The following CSNK2A2IP variants were observed in gnomAD, a reference collection of about 807,000 sequenced individuals.
CSNK2A2IP encodes casein kinase II subunit alpha'-interacting protein.
At chr3:88,445,275 C>CAAAAAAAAAAAAA in the CSNK2A2IP span, among the ~76,000 whole-genome samples, 46 of 47,768 alleles carry the variant, frequency 9.6e-4, 4 homozygotes, top group African/African-American at 1.5e-3. Context: ...GTAAAAATAC[C>CAAAAAAAAAAAAA]AAAAAAAAAA....
At chr3:88,339,831 A>G in the CSNK2A2IP span, among the ~76,000 whole-genome samples, 1 of 152,040 alleles carries the variant, frequency 6.6e-6, no homozygotes, top group Non-Finnish European at 1.5e-5. Flanking sequence ...GGGGGTGAGA[A>G]CCTATGGTTG....
At chr3:88,395,044 A>G in the CSNK2A2IP span, among the ~76,000 whole-genome samples, 1 of 152,208 alleles carries the variant, frequency 6.6e-6, no homozygotes, top group Non-Finnish European at 1.5e-5. Flanking sequence ...AAGTTAAAAA[A>G]GTCCTTTGTT....
chr3:88,380,533 A>C, the CSNK2A2IP span, among the ~76,000 whole-genome samples: 5,720 of 151,938 alleles, frequency 0.038, 269 homozygotes, highest in African/African-American at 0.11. Flanking sequence ...AGATCGGTAG[A>C]AATTTTAGAA....
chr3:88,429,487 G>T, the CSNK2A2IP span, among the ~76,000 whole-genome samples: 1 of 151,992 alleles, frequency 6.6e-6, no homozygotes, highest in Non-Finnish European at 1.5e-5. Context: ...TCTCTAACGT[G>T]GTCTACACTG....
chr3:88,463,045 C>T, the CSNK2A2IP span, among the ~76,000 whole-genome samples: 1 of 152,072 alleles, frequency 6.6e-6, no homozygotes, highest in Non-Finnish European at 1.5e-5. Context: ...GGAAAAGTCA[C>T]CTTGACATAA....
At chr3:88,396,359 C>G in the CSNK2A2IP span, among the ~76,000 whole-genome samples, 1 of 152,082 alleles carries the variant, frequency 6.6e-6, no homozygotes, top group South Asian at 2.1e-4. Context: ...CCCGCCTCGG[C>G]CTCCCAAAGT....
the CSNK2A2IP span, among the ~76,000 whole-genome samples, chr3:88,380,852 G>T: frequency 6.6e-6 from 1 of 152,234 alleles, no homozygotes; most frequent in African/African-American, 2.4e-5. Flanking sequence ...ATCATTCATA[G>T]ATTTATTTTT....
the CSNK2A2IP span, among the ~76,000 whole-genome samples, chr3:88,393,605 T>C: frequency 6.6e-6 from 1 of 152,188 alleles, no homozygotes; most frequent in Non-Finnish European, 1.5e-5. Flanking sequence ...GTAAGTGCAA[T>C]AGCAGAGTGA....
At chr3:88,465,759 C>T in the CSNK2A2IP span, 1 of 1,231,692 alleles carries the variant, frequency 8.1e-7, no homozygotes, top group Non-Finnish European at 1.0e-6. Flanking sequence ...CTTCATCTGA[C>T]CTCAACATGA....
At chr3:88,365,479 T>G in the CSNK2A2IP span, among the ~76,000 whole-genome samples, 2 of 152,164 alleles carry the variant, frequency 1.3e-5, no homozygotes, top group African/African-American at 2.4e-5. Context: ...GAGGGACACC[T>G]CATTTTATGG....
the CSNK2A2IP span, among the ~76,000 whole-genome samples, chr3:88,378,964 TA>T: frequency 1.3e-5 from 2 of 152,098 alleles, no homozygotes; most frequent in African/African-American, 4.8e-5. Context: ...ATGCTTATCA[TA>T]AAAACTTGCC....
chr3:88,440,643 T>C, the CSNK2A2IP span, among the ~76,000 whole-genome samples: 1 of 152,238 alleles, frequency 6.6e-6, no homozygotes, highest in East Asian at 1.9e-4. Context: ...TAAATGTGTT[T>C]CATCCAAATT....
At chr3:88,448,862 CTGTG>C in the CSNK2A2IP span, among the ~76,000 whole-genome samples, 1 of 152,192 alleles carries the variant, frequency 6.6e-6, no homozygotes, top group Non-Finnish European at 1.5e-5. Flanking sequence ...ACTGAGCTGG[CTGTG>C]TAACTGTTAT....
At chr3:88,346,648 A>G in the CSNK2A2IP span, among the ~76,000 whole-genome samples, 2 of 152,036 alleles carry the variant, frequency 1.3e-5, no homozygotes, top group Admixed American at 1.3e-4. Context: ...GTTGAGAACT[A>G]CAGCTCAGAA....
At chr3:88,368,684 G>A in the CSNK2A2IP span, among the ~76,000 whole-genome samples, 1 of 151,976 alleles carries the variant, frequency 6.6e-6, no homozygotes. Context: ...TTTCAGGATT[G>A]TTTGATCCCA....
chr3:88,354,622 T>C, the CSNK2A2IP span, among the ~76,000 whole-genome samples: 1 of 152,154 alleles, frequency 6.6e-6, no homozygotes, highest in Admixed American at 6.6e-5. Flanking sequence ...AATTCACCTG[T>C]CCACCATGGC....
the CSNK2A2IP span, among the ~76,000 whole-genome samples, chr3:88,351,605 C>T: frequency 6.6e-6 from 1 of 152,006 alleles, no homozygotes. Flanking sequence ...ACACCGTATA[C>T]TGTCTAATAA....
chr3:88,451,802 T>G, the CSNK2A2IP span, among the ~76,000 whole-genome samples: 1 of 151,916 alleles, frequency 6.6e-6, no homozygotes, highest in Non-Finnish European at 1.5e-5. Flanking sequence ...GAACACTTTC[T>G]TCCTTATTTT....
the CSNK2A2IP span, among the ~76,000 whole-genome samples, chr3:88,448,070 C>T: frequency 1.3e-5 from 2 of 152,148 alleles, no homozygotes; most frequent in Non-Finnish European, 2.9e-5. Flanking sequence ...ATTTCCGGTA[C>T]TTACCAGTGT....
Sources: gnomAD v4.1 joint callset for allele counts (sites outside exome capture counted in the v4.1 genomes callset) on GRCh38, gnomAD v4.1.1 for gene constraint, MANE v1.5 for transcripts, NCBI Gene and HGNC (gene_info 2026-07-23, HGNC 2026-07-21) for gene names.